Variants in LRRC36 observed in about 807,000 individuals in gnomAD.
LRRC36 encodes the protein leucine-rich repeat-containing protein 36.
A neutral mutation model predicts 81.1 loss-of-function variants in LRRC36; 62 were observed. The observed-to-expected ratio is 0.76, with a 90% confidence interval of 0.62 to 0.94. The LOEUF is 0.94. Ranked by LOEUF, LRRC36 falls within the 40% of genes least tolerant of loss-of-function variation. The pLI is 0.00. For synonymous variants in LRRC36, 334 were observed against 348.6 expected, an observed-to-expected ratio of 0.96 and a Z score of 0.47; for missense variants, 761 against 881.7, an observed-to-expected ratio of 0.86 and a Z score of 1.73.
Position 67,385,013 on chromosome 16 carries a change from C to G in LRRC36, c.2189C>G (p.Ser730Cys). The change falls in exon 14 of 14, where the codon TCC (serine) becomes TGC (cysteine). Residue 730 changes from serine (S) to cysteine (C), a missense_variant. Ser to Cys is a moderately radical substitution (Grantham distance 112, BLOSUM62 -1). Coordinates refer to ENST00000329956, the MANE Select transcript of LRRC36 (RefSeq NM_018296.6). ...SPFGKSTLSS[S>C]SPVAHETGQY... ...TTTGGGAAAAGCACGTTGTCTTCCT[C>G]CTCACCAGTGGCACATGAGACTGGT... 1 of 1,614,198 alleles carries G rather than the reference C, an allele frequency of 6.2e-7. No homozygotes were observed. Among genetic ancestry groups the G allele is most frequent in the Non-Finnish European group, 8.5e-7 (1 of 1,180,034 alleles).
intron 1 of LRRC36, 25 bp from the exon 2 acceptor site, chr16:67,341,932 A>T (rs761494613): frequency 5.7e-6 from 9 of 1,591,666 alleles, no homozygotes; most frequent in Non-Finnish European, 7.7e-6. Context: ...GGATCATAAT[A>T]TATCTACTGA....
At chr16:67,339,802 G>A (rs928501552) in intron 1 of LRRC36, among the ~76,000 whole-genome samples, 3 of 151,152 alleles carry the variant, frequency 2.0e-5, no homozygotes, top group Non-Finnish European at 4.4e-5. Flanking sequence ...TAATTTCTCC[G>A]TGGTATGGGT....
At position 67,371,148 on chromosome 16, in the gene LRRC36, C is replaced by A; in HGVS notation, c.1400C>A (p.Ser467Ter). ...CACAGAAAGATTTTTACCAAGAGGT[C>A]ACTAAGCCCATCGAAGAGAGGATTC... is the stretch of plus-strand genomic sequence containing the variant. Reference protein sequence around the residue: ...SEHRKIFTKRSLSPSKRGFKW... With the variant: ...SEHRKIFTKR Residue 467 changes from serine (S) to a stop codon, truncating the protein, a stop_gained, in exon 9 of 14, where the codon TCA becomes TAA. Coordinates refer to ENST00000329956, the MANE Select transcript of LRRC36 (RefSeq NM_018296.6). LOFTEE classifies it high-confidence loss of function. The A allele has an allele frequency of 6.2e-7, 1 of 1,614,150 alleles. No individual in the cohort carries two copies. Among genetic ancestry groups the A allele is most frequent in the South Asian group, 1.1e-5 (1 of 91,070 alleles).
chr16:67,337,138 T>C (rs1490839831), intron 1 of LRRC36, among the ~76,000 whole-genome samples: 1 of 152,180 alleles, frequency 6.6e-6, no homozygotes, highest in Non-Finnish European at 1.5e-5. Context: ...TATTCATTCA[T>C]CTGTTGATGG....
intron 11 of LRRC36, among the ~76,000 whole-genome samples, chr16:67,377,094 TAAG>T (rs748531846): frequency 9.9e-5 from 15 of 152,134 alleles, no homozygotes; most frequent in Non-Finnish European, 2.2e-4. Context: ...AGACTTGAAA[TAAG>T]AAGAAACAAA....
intron 8 of LRRC36, among the ~76,000 whole-genome samples, chr16:67,369,584 A>G (rs954770691): frequency 6.6e-6 from 1 of 152,222 alleles, no homozygotes; most frequent in Admixed American, 6.5e-5. Flanking sequence ...CTGTTCTCAC[A>G]CTGCTAATAA....
At chr16:67,346,956 C>T (rs1188463031) in intron 3 of LRRC36, among the ~76,000 whole-genome samples, 1 of 152,118 alleles carries the variant, frequency 6.6e-6, no homozygotes, top group African/African-American at 2.4e-5. Flanking sequence ...CTCACTGCCG[C>T]CTGGACCTCC....
At chr16:67,372,818 A>G (rs2039707429) in intron 9 of LRRC36, among the ~76,000 whole-genome samples, 2 of 152,108 alleles carry the variant, frequency 1.3e-5, no homozygotes. Context: ...CTTCCTATTC[A>G]GTTTTCAGAA....
At position 67,362,256 on chromosome 16, in the gene LRRC36, G is replaced by A. The variant is rs1433954248; in HGVS notation, c.578-1334G>A. ...CGGCTCACTGCAACCTCTACCTCCT[G>A]GGTTCAAGCAGTTCTCCTGCCTCAG... On this transcript the variant is annotated intron_variant, in intron 5 of 13. Coordinates refer to ENST00000329956, the MANE Select transcript of LRRC36 (RefSeq NM_018296.6). The A allele has an allele frequency of 9.0e-6, 4 of 446,824 alleles. No individual in the cohort carries two copies. The East Asian group carries it at 2.8e-4, about 32-fold the overall frequency. 27.7% of individuals were successfully genotyped at this position (446,824 alleles called of 1,614,324 possible).
intron 5 of LRRC36, among the ~76,000 whole-genome samples, chr16:67,357,235 T>C (rs937726567): frequency 1.3e-5 from 2 of 152,196 alleles, no homozygotes; most frequent in African/African-American, 4.8e-5. Flanking sequence ...GACACAACTA[T>C]TATTTAAAGG....
intron 9 of LRRC36, among the ~76,000 whole-genome samples, chr16:67,372,387 A>C (rs994801075): frequency 3.3e-5 from 5 of 152,130 alleles, no homozygotes; most frequent in African/African-American, 1.2e-4. Context: ...AAAATAAAAT[A>C]TCCTAGTATG....
At chr16:67,332,350 G>A (rs1001338058) in intron 1 of LRRC36, among the ~76,000 whole-genome samples, 10 of 152,064 alleles carry the variant, frequency 6.6e-5, no homozygotes, top group Admixed American at 4.6e-4. Context: ...TCAGGAGATC[G>A]AGACAACCCT....
chr16:67,370,918 C>G (rs779605228), intron 8 of LRRC36, 26 bp from the exon 9 acceptor site: 1 of 1,595,422 alleles, frequency 6.3e-7, no homozygotes. Flanking sequence ...AGGGCAGGTT[C>G]ATCTGTTAGC....
chr16:67,361,971 G>A (rs760125538), intron 5 of LRRC36, among the ~76,000 whole-genome samples: 9 of 151,774 alleles, frequency 5.9e-5, no homozygotes, highest in Non-Finnish European at 1.0e-4. Flanking sequence ...TGGCTCACGC[G>A]TGTAATCCCA....
At chr16:67,367,497 C>A in intron 8 of LRRC36, 40 bp downstream of exon 8, 2 of 1,511,278 alleles carry the variant, frequency 1.3e-6, no homozygotes, top group Non-Finnish European at 1.8e-6. Context: ...TCTTCATAGG[C>A]ATGAAGATAG....
intron 5 of LRRC36, among the ~76,000 whole-genome samples, chr16:67,359,333 A>G (rs553085441): frequency 3.9e-4 from 59 of 152,364 alleles, no homozygotes; most frequent in African/African-American, 1.4e-3. Context: ...CACATGCTAT[A>G]ACATGTATTT....
At chr16:67,377,535 T>C (rs1022473381) in intron 11 of LRRC36, among the ~76,000 whole-genome samples, 1 of 151,868 alleles carries the variant, frequency 6.6e-6, no homozygotes, top group Admixed American at 6.6e-5. Flanking sequence ...TTTCGCCATG[T>C]TGGCCGAGGT....
At chr16:67,370,702 G>GT (rs2039597107) in intron 8 of LRRC36, among the ~76,000 whole-genome samples, 1 of 151,846 alleles carries the variant, frequency 6.6e-6, no homozygotes, top group African/African-American at 2.4e-5. Flanking sequence ...GTGGTCATGA[G>GT]TTTAAAGTGA....
At chr16:67,353,914 T>C (rs16942883) in intron 5 of LRRC36, among the ~76,000 whole-genome samples, 13,465 of 152,178 alleles carry the variant, frequency 0.088, 980 homozygotes, top group African/African-American at 0.2. Flanking sequence ...TCAATTCATT[T>C]TGTACTTTGC....
Sources: gnomAD v4.1 joint callset for allele counts (sites outside exome capture counted in the v4.1 genomes callset) on GRCh38, gnomAD v4.1.1 for gene constraint, MANE v1.5 for transcripts, NCBI Gene and HGNC (gene_info 2026-07-23, HGNC 2026-07-21) for gene names.